The following C11orf65 variants were observed in gnomAD, a reference collection of about 807,000 sequenced individuals.
C11orf65 encodes the protein protein MFI.
A neutral mutation model predicts 35.3 loss-of-function variants in C11orf65; 38 were observed. That is an observed-to-expected ratio of 1.08 (90% CI 0.83 to 1.41). The LOEUF (loss-of-function observed/expected upper bound fraction) is 1.41, where lower values mean the gene tolerates loss of function less well. Ranked by LOEUF, C11orf65 falls within the 40% of genes most tolerant of loss-of-function variation. The pLI is 0.00. For synonymous variants in C11orf65, 105 were observed against 114.4 expected (o/e 0.92, Z 0.53); for missense variants, 370 against 367.1 (o/e 1.01, Z -0.06).
intron 2 of C11orf65, among the ~76,000 whole-genome samples, chr11:108,373,275 A>T (rs543384301): frequency 6.6e-6 from 1 of 152,230 alleles, no homozygotes; most frequent in African/African-American, 2.4e-5. Context: ...TAGTGCAGAA[A>T]AAGCTTGTGA....
intron 3 of C11orf65, among the ~76,000 whole-genome samples, chr11:108,417,064 A>G (rs2092744227): frequency 6.6e-6 from 1 of 152,074 alleles, no homozygotes; most frequent in African/African-American, 2.4e-5. Context: ...AATATAAAAA[A>G]CTCATTCCCA....
Position 108,435,063 on chromosome 11 carries a change from C to T in C11orf65, c.82-3225G>A, listed in dbSNP as rs76629012. ...TGTAGTAGATGCTCTGAATGAATAT[C>T]GTGCTATTTCTCACACAGCCAGCAT... is the stretch of plus-strand genomic sequence containing the variant. On this transcript the variant is annotated intron_variant, in intron 2 of 8. Transcript: ENST00000393084. 5.1e-3 allele frequency among the ~76,000 whole-genome samples: 780 copies of T among 152,280 alleles called. 8 individuals carry two copies. The highest frequency in any genetic ancestry group is 0.018 in the African/African-American group (750 of 41,560).
At chr11:108,330,200 T>G, downstream of C11orf65, 1 of 1,611,102 alleles carries the variant, frequency 6.2e-7, no homozygotes, top group Non-Finnish European at 8.5e-7. Flanking sequence ...TTTACCTTAA[T>G]TATTCTATGC....
downstream of C11orf65, chr11:108,382,656 G>A: frequency 2.2e-6 from 1 of 450,174 alleles, no homozygotes; most frequent in South Asian, 9.4e-5. Flanking sequence ...AAAGAAGCAA[G>A]GCACACTAGG....
Position 108,446,426 on chromosome 11 carries a change from C to T in C11orf65, c.82-14588G>A, listed in dbSNP as rs915943388. Among the ~76,000 whole-genome samples, 804 of 149,688 alleles carry T rather than the reference C, an allele frequency of 5.4e-3. 9 individuals carry two copies. Among genetic ancestry groups the T allele is most frequent in the African/African-American group, 0.019 (771 of 40,314 alleles). ...AAAGGGAAGCCCATCAGACTAACAG[C>T]GGATCTCTCAGCAGAAACTCTACAA... On this transcript the variant is annotated intron_variant, in intron 2 of 8. Transcript: ENST00000393084.
intron 2 of C11orf65, among the ~76,000 whole-genome samples, chr11:108,433,747 G>A (rs1469285396): frequency 3.3e-5 from 5 of 151,856 alleles, no homozygotes; most frequent in East Asian, 3.9e-4. Flanking sequence ...GGCCCCTAAG[G>A]GGGTCAAGTA....
intron 6 of C11orf65, among the ~76,000 whole-genome samples, chr11:108,324,207 A>G (rs570424227): frequency 2.0e-5 from 3 of 152,260 alleles, no homozygotes; most frequent in Non-Finnish European, 1.5e-5. Flanking sequence ...CTTTTTGGAA[A>G]TGTTTAATAA....
intron 3 of C11orf65, among the ~76,000 whole-genome samples, chr11:108,409,103 G>C (rs920707557): frequency 5.9e-5 from 9 of 152,000 alleles, no homozygotes; most frequent in African/African-American, 1.9e-4. Flanking sequence ...ACTCTCTTGT[G>C]CTTGGCTTAT....
At chr11:108,453,950 TG>T (rs1374620544) in intron 2 of C11orf65, among the ~76,000 whole-genome samples, 2 of 152,230 alleles carry the variant, frequency 1.3e-5, no homozygotes, top group African/African-American at 4.8e-5. Context: ...TTTAATTTTT[TG>T]AAAGAGTTTG....
intron 2 of C11orf65, among the ~76,000 whole-genome samples, chr11:108,373,269 G>A (rs887259960): frequency 6.6e-6 from 1 of 152,072 alleles, no homozygotes; most frequent in Non-Finnish European, 1.5e-5. Context: ...TGCCAATAGT[G>A]CAGAAAAAGC....
chr11:108,407,010 A>G (rs2138661190), intron 4 of C11orf65, 47 bp from the exon 5 acceptor site: 1 of 1,570,698 alleles, frequency 6.4e-7, no homozygotes, highest in Non-Finnish European at 8.7e-7. Flanking sequence ...AACTACAAAA[A>G]TGTTTTACAT....
Position 108,407,085 on chromosome 11 carries a change from T to A in C11orf65, c.228+11A>T. The A allele has an allele frequency of 6.2e-7, 1 of 1,607,910 alleles. No homozygotes were observed. The highest frequency in any genetic ancestry group is 8.5e-7 in the Non-Finnish European group (1 of 1,175,068). On this transcript the variant is annotated intron_variant, in intron 4 of 8. Coordinates refer to ENST00000393084, the MANE Select transcript of C11orf65 (RefSeq NM_152587.5). ...TTTATAACTACTAAATAAGCATTCA[T>A]CCATACTTACTCCACCTAATCTGAA... is the stretch of plus-strand genomic sequence containing the variant.
chr11:108,396,142 G>GA (rs1477807941), intron 6 of C11orf65, among the ~76,000 whole-genome samples: 22 of 152,082 alleles, frequency 1.4e-4, no homozygotes, highest in Non-Finnish European at 3.1e-4. Flanking sequence ...ACCCAGGCTG[G>GA]AGTGCAGTGG....
intron 6 of C11orf65, 43 bp downstream of exon 6, chr11:108,405,386 C>G (rs770534839): frequency 6.3e-7 from 1 of 1,588,090 alleles, no homozygotes; most frequent in Admixed American, 1.8e-5. Context: ...GTTTTTTTCC[C>G]AAAATACTAC....
chr11:108,330,234 G>A (rs587782310), downstream of C11orf65: 10 of 1,614,012 alleles, frequency 6.2e-6, no homozygotes, highest in South Asian at 2.2e-5. Context: ...AAGGTTCAGC[G>A]AGAGCTGGAG....
intron 2 of C11orf65, among the ~76,000 whole-genome samples, chr11:108,351,313 C>A (rs775358987): frequency 6.6e-6 from 1 of 152,150 alleles, no homozygotes; most frequent in African/African-American, 2.4e-5. Flanking sequence ...GTTCTGTTAA[C>A]GTGGATTTGT....
At chr11:108,458,229 G>A (rs1014717921) in intron 2 of C11orf65, among the ~76,000 whole-genome samples, 2 of 150,930 alleles carry the variant, frequency 1.3e-5, no homozygotes, top group African/African-American at 4.9e-5. Flanking sequence ...AGTGAACCTT[G>A]GGTGTGGTGG....
rs1565500074 is a variant in C11orf65, at chr11:108,316,112, A to G, written c.641-7041T>C. On this transcript the variant is annotated intron_variant, in intron 6 of 6. Coordinates refer to the C11orf65 transcript ENST00000525729. ...TCAACACGCCAGGCAGGAATCATTC[A>G]GGTACATTTTTTCCCAGATTTGGTA... The G allele has an allele frequency of 6.2e-7, 1 of 1,613,814 alleles. No individual in the cohort carries two copies. Among genetic ancestry groups the G allele is most frequent in the Non-Finnish European group, 8.5e-7 (1 of 1,179,734 alleles).
intron 6 of C11orf65, chr11:108,312,417 T>TCAA: frequency 6.3e-7 from 1 of 1,590,282 alleles, no homozygotes; most frequent in Non-Finnish European, 8.6e-7. Context: ...ACAGAAGTCT[T>TCAA]GCATTTGAAG....
Sources: allele counts gnomAD v4.1 joint callset (sites outside exome capture counted in the v4.1 genomes callset), GRCh38; gene constraint gnomAD v4.1.1; transcripts MANE v1.5; gene names NCBI Gene and HGNC (gene_info 2026-07-23, HGNC 2026-07-21).